Variants in CDHR1 observed in about 807,000 individuals in gnomAD.
The protein encoded by CDHR1 is cadherin related family member 1.
CDHR1 carries 61 observed loss-of-function variants against 72.1 expected under a neutral mutation model. The ratio of observed to expected loss-of-function variants is 0.85; its 90% CI spans 0.69 to 1.05. The LOEUF (loss-of-function observed/expected upper bound fraction) is 1.05. CDHR1 is among the 50% of genes least tolerant of loss of function. CDHR1 has a pLI of 0.00. For synonymous variants in CDHR1, 470 were observed against 448.1 expected, an observed-to-expected ratio of 1.05 and a Z score of -0.62; for missense variants, 1,186 against 1,115.7, an observed-to-expected ratio of 1.06 and a Z score of -0.90.
At chr10:84,211,814 GA>G in intron 14 of CDHR1, 99 bp downstream of exon 14, 1 of 1,039,318 alleles carries the variant, frequency 9.6e-7, no homozygotes, top group Non-Finnish European at 1.5e-6. Flanking sequence ...GCCTGGGAGG[GA>G]CAGGAGCCTG....
chr10:84,198,262 A>G (rs1264298740), intron 4 of CDHR1, among the ~76,000 whole-genome samples: 1 of 152,218 alleles, frequency 6.6e-6, no homozygotes, highest in East Asian at 1.9e-4. Flanking sequence ...TCCGACCCCA[A>G]CTGCCTCTGA....
At chr10:84,200,540 C>A (rs10788334) in intron 5 of CDHR1, 61 bp from the exon 6 acceptor site, 1 of 1,169,352 alleles carries the variant, frequency 8.6e-7, no homozygotes, top group African/African-American at 1.5e-5. Context: ...CCCTATGCCT[C>A]TGTCCCCCTG....
At chr10:84,196,716 T>A in intron 3 of CDHR1, 66 bp downstream of exon 3, 1 of 1,582,236 alleles carries the variant, frequency 6.3e-7, no homozygotes, top group Non-Finnish European at 8.7e-7. Context: ...GGGCTGAAGT[T>A]CCCCTGGAGC....
chr10:84,203,039 G>A lies in CDHR1; in HGVS notation c.699G>A (p.Thr233=), dbSNP rs571221026. 8 of 1,614,182 alleles carry A rather than the reference G, an allele frequency of 5.0e-6. No homozygotes were observed. In the Admixed American group the frequency reaches 5.0e-5, roughly 10 times the overall value. ...DVVFSATTTV[T]VNVEDVQDMA... The stretch of plus-strand genomic sequence containing the variant: ...TGTTCTCAGCCACCACCACGGTCAC[G>A]GTCAATGTGGAGGATGTTCAGGACA... The change falls in exon 8 of 17, where the codon ACG becomes ACA. Residue 233 remains threonine, a synonymous_variant. Transcript: ENST00000623527.
intron 8 of CDHR1, 59 bp from the exon 9 acceptor site, chr10:84,204,468 T>C: frequency 8.5e-7 from 1 of 1,174,590 alleles, no homozygotes; most frequent in Non-Finnish European, 1.3e-6. Flanking sequence ...AGACATTGTT[T>C]GGGGAGGGGA....
chr10:84,208,211 AG>A lies in CDHR1; in HGVS notation c.1003del (p.Ala335ProfsTer33). 1 of 1,614,162 alleles carries A rather than the reference AG, an allele frequency of 6.2e-7. No individual in the cohort carries two copies. Among genetic ancestry groups the A allele is most frequent in the South Asian group, 1.1e-5 (1 of 91,084 alleles). On this transcript the variant is annotated frameshift_variant, in exon 11 of 17. Transcript: ENST00000623527. LOFTEE classifies it high-confidence loss of function. Reference sequence around the variant, plus strand: ...AGCCCTGCGGGGAGCCCAGCTGCCCAGGCCACCGTCCCAGTCACCATCAGGA... The same window carrying A: ...AGCCCTGCGGGGAGCCCAGCTGCCCAGCCACCGTCCCAGTCACCATCAGGA... ...EMSPAGSPAA[Q>X]ATVPVTIRIV...
In CDHR1 at chr10:84,216,087, G is replaced by A. The variant is rs563718681; in HGVS notation, c.*1466G>A. On this transcript the variant is annotated 3_prime_UTR_variant, in exon 17 of 17. Transcript: ENST00000623527. ...AGGCCTCTGGGGTTAATACAAATAG[G>A]TTGTGCCCTGCTTTAAGGAACCTGC... The A allele has an allele frequency of 1.4e-5, 14 of 985,414 alleles. No individual in the cohort carries two copies. The South Asian group carries it at 6.1e-4, about 43-fold the overall frequency. The allele number at this position is 985,414 out of a possible 1,614,324, so 61.0% of individuals were successfully genotyped here.
intron 13 of CDHR1, 106 bp downstream of exon 13, chr10:84,211,271 G>A: frequency 1.6e-6 from 2 of 1,222,812 alleles, no homozygotes; most frequent in Non-Finnish European, 2.4e-6. Flanking sequence ...ACACTCATTA[G>A]CTGTCCTTGG....
chr10:84,214,020 T>C, intron 16 of CDHR1, 62 bp from the exon 17 acceptor site: 1 of 1,608,596 alleles, frequency 6.2e-7, no homozygotes, highest in Non-Finnish European at 8.5e-7. Flanking sequence ...AGCACATACC[T>C]ACTCTGTACT....
intron 10 of CDHR1, among the ~76,000 whole-genome samples, chr10:84,207,017 C>T (rs193190032): frequency 1.5e-4 from 23 of 152,240 alleles, no homozygotes; most frequent in African/African-American, 5.5e-4. Flanking sequence ...CCCGTGCCGT[C>T]AGGAGTACAG....
In CDHR1 at chr10:84,216,403, C is replaced by T. The variant is rs1842426906; in HGVS notation, c.*1782C>T. On this transcript the variant is annotated 3_prime_UTR_variant, in exon 17 of 17. Transcript: ENST00000623527. ...ACTGAGCAAATAAGTACTTTCCAGC[C>T]TGTGTTTCAGGAGAGGACTGTGCTG... The T allele has an allele frequency of 1.0e-6, 1 of 985,394 alleles. No individual in the cohort carries two copies. Among genetic ancestry groups the T allele is most frequent in the Non-Finnish European group, 1.2e-6 (1 of 829,972 alleles). 61.0% of individuals were successfully genotyped at this position (985,394 alleles called of 1,614,324 possible).
chr10:84,201,033 C>A (rs1842115526), intron 6 of CDHR1, among the ~76,000 whole-genome samples: 1 of 152,188 alleles, frequency 6.6e-6, no homozygotes, highest in African/African-American at 2.4e-5. Context: ...AGAGACAACA[C>A]TCAAAAGAAG....
rs1039801576 is a variant in CDHR1, at chr10:84,215,487, T to A, written c.*866T>A. 1 of 978,298 alleles carries A rather than the reference T, an allele frequency of 1.0e-6. No individual in the cohort carries two copies. The highest frequency in any genetic ancestry group is 1.8e-5 in the African/African-American group (1 of 57,088). 60.6% of individuals were successfully genotyped at this position (978,298 alleles called of 1,614,324 possible). ...GTTGATGAATATCAGGGCTGAGATGTGGTGAGACTTCCGTTTTTATCCAGC... is the reference window on the plus strand; with the variant it reads ...GTTGATGAATATCAGGGCTGAGATGAGGTGAGACTTCCGTTTTTATCCAGC... On this transcript the variant is annotated 3_prime_UTR_variant, in exon 17 of 17. Transcript: ENST00000623527.
rs1042632251 is a variant in CDHR1 at position 84,194,557 on chromosome 10, G to C, written c.-204G>C. 4.4e-6 allele frequency: 2 copies of C among 457,216 alleles called. No homozygotes were observed. The highest frequency in any genetic ancestry group is 8.9e-5 in the Admixed American group (2 of 22,374). 28.3% of individuals were successfully genotyped at this position (457,216 alleles called of 1,614,324 possible). On this transcript the variant is annotated 5_prime_UTR_variant, in exon 1 of 17. Transcript: ENST00000623527. The stretch of plus-strand genomic sequence containing the variant: ...GCGCCGCTAATTGGTCTCGTCAGGC[G>C]GCCGGCAGGAGCAGATCCGAGCCGT...
At chr10:84,213,997 T>G in intron 16 of CDHR1, 85 bp from the exon 17 acceptor site, 1 of 1,577,720 alleles carries the variant, frequency 6.3e-7, no homozygotes, top group East Asian at 2.2e-5. Flanking sequence ...TTAAAAACCA[T>G]TAGGCTTAAG....
Position 84,205,885 on chromosome 10 carries a change from C to T in CDHR1, c.921C>T (p.Ser307=). The T allele has an allele frequency of 6.2e-7, 1 of 1,614,138 alleles. No homozygotes were observed. Among genetic ancestry groups the T allele is most frequent in the South Asian group, 1.1e-5 (1 of 91,076 alleles). Residue 307 remains serine, a synonymous_variant, in exon 10 of 17, where the codon AGC becomes AGT. Coordinates refer to ENST00000623527, the MANE Select transcript of CDHR1 (RefSeq NM_033100.4). ...CTGGAGCCATCTCCATCACTCAGAG[C>T]CCGGCCCAGCTCCAGAGAGAGGTGT... ...ETSGAISITQ[S]PAQLQREVYE... is the part of the protein sequence containing the mutation.
At position 84,215,314 on chromosome 10, in the gene CDHR1, G is replaced by A. The variant is rs958448676; in HGVS notation, c.*693G>A. ...GAAGATTGATCTTGCCAAGAGTGAG[G>A]GCAGATGTCTCCAGCCAGGACTGCC... On this transcript the variant is annotated 3_prime_UTR_variant, in exon 17 of 17. Coordinates refer to ENST00000623527, the MANE Select transcript of CDHR1 (RefSeq NM_033100.4). 1 of 986,880 alleles carries A rather than the reference G, an allele frequency of 1.0e-6. No homozygotes were observed. The highest frequency in any genetic ancestry group is 1.7e-5 in the African/African-American group (1 of 57,230). The allele number at this position is 986,880 out of a possible 1,614,324, so 61.1% of individuals were successfully genotyped here.
rs1215333225 is a variant in CDHR1 at position 84,194,834 on chromosome 10, G to C, written c.55+19G>C. ...TGCTTGGGTGAGTGGCCGCTGGGCCGCGCTGGCCGCGTGGATGGCGAGGGA... is the reference window on the plus strand; with the variant it reads ...TGCTTGGGTGAGTGGCCGCTGGGCCCCGCTGGCCGCGTGGATGGCGAGGGA... On this transcript the variant is annotated intron_variant, in intron 1 of 16. Transcript: ENST00000623527. The C allele has an allele frequency of 5.2e-6, 8 of 1,532,592 alleles. No homozygotes were observed. Among genetic ancestry groups the C allele is most frequent in the Non-Finnish European group, 6.1e-6 (7 of 1,145,432 alleles). The allele number at this position is 1,532,592 out of a possible 1,614,324, so 94.9% of individuals were successfully genotyped here.
At chr10:84,209,283 A>G (rs1842286320) in intron 12 of CDHR1, among the ~76,000 whole-genome samples, 1 of 152,266 alleles carries the variant, frequency 6.6e-6, no homozygotes, top group South Asian at 2.1e-4. Context: ...ATGTAAAATC[A>G]TAAATGTATT....
Sources: gnomAD v4.1 joint callset for allele counts (sites outside exome capture counted in the v4.1 genomes callset) on GRCh38, gnomAD v4.1.1 for gene constraint, MANE v1.5 for transcripts, NCBI Gene and HGNC (gene_info 2026-07-23, HGNC 2026-07-21) for gene names.